SPHKAP: variants seen among roughly 807,000 people sequenced by gnomAD.
SPHKAP encodes SPHK1 interactor, AKAP domain containing.
A neutral mutation model predicts 137.5 loss-of-function variants in SPHKAP; 67 were observed. The observed-to-expected ratio is 0.49, with a 90% confidence interval of 0.40 to 0.60. SPHKAP has a LOEUF of 0.60. SPHKAP is among the 20% of genes least tolerant of loss of function. The pLI is 0.00. For missense variants in SPHKAP, 2,097 were observed against 2,069.3 expected, an observed-to-expected ratio of 1.01 and a Z score of -0.26; for synonymous variants, 813 against 785.3, an observed-to-expected ratio of 1.04 and a Z score of -0.59.
chr2:228,078,886 C>T (rs541991920), intron 3 of SPHKAP, among the ~76,000 whole-genome samples: 2 of 152,110 alleles, frequency 1.3e-5, no homozygotes, highest in Non-Finnish European at 2.9e-5. Context: ...CCCACAGCCC[C>T]AGACTCTAGG....
chr2:228,078,384 T>C (rs1445187807), intron 3 of SPHKAP, among the ~76,000 whole-genome samples: 1 of 151,160 alleles, frequency 6.6e-6, no homozygotes, highest in East Asian at 1.9e-4. Flanking sequence ...GGCAGACTTT[T>C]TTTTTTTTTT....
At position 228,168,719 on chromosome 2, in the gene SPHKAP, A is replaced by G. The variant is rs553743305; in HGVS notation, c.32+12848T>C. On this transcript the variant is annotated intron_variant, in intron 1 of 11. Coordinates refer to ENST00000392056, the MANE Select transcript of SPHKAP (RefSeq NM_001142644.2). ...ACTCTGAAATGGCCTGTAGATCTTCAAATGAAAGGAAAAGTCACACATATC... is the reference window on the plus strand; with the variant it reads ...ACTCTGAAATGGCCTGTAGATCTTCGAATGAAAGGAAAAGTCACACATATC... Among the ~76,000 whole-genome samples the G allele has an allele frequency of 1.1e-3, 169 of 152,234 alleles. 1 individual carries two copies. The highest frequency in any genetic ancestry group is 3.7e-3 in the African/African-American group (153 of 41,556).
chr2:228,028,801 A>G (rs1207037930), intron 3 of SPHKAP, among the ~76,000 whole-genome samples: 1 of 152,238 alleles, frequency 6.6e-6, no homozygotes, highest in Non-Finnish European at 1.5e-5. Flanking sequence ...TGCATTTCTC[A>G]TAACATGTCC....
At chr2:228,049,274 A>G (rs1202228165) in intron 3 of SPHKAP, among the ~76,000 whole-genome samples, 1 of 152,228 alleles carries the variant, frequency 6.6e-6, no homozygotes, top group East Asian at 1.9e-4. Flanking sequence ...CCTTTAAAAA[A>G]TCTGTGCTAT....
At chr2:228,056,339 A>G (rs1222008753) in intron 3 of SPHKAP, among the ~76,000 whole-genome samples, 2 of 152,176 alleles carry the variant, frequency 1.3e-5, no homozygotes, top group African/African-American at 4.8e-5. Flanking sequence ...GTCACAGAGG[A>G]ACATGTAGAG....
chr2:228,065,791 A>T (rs1294541013), intron 3 of SPHKAP, among the ~76,000 whole-genome samples: 2 of 152,172 alleles, frequency 1.3e-5, no homozygotes, highest in Non-Finnish European at 2.9e-5. Context: ...ATTTGAGGGA[A>T]GGCTGCTTTT....
At chr2:228,012,127 C>A (rs1334462574) in intron 7 of SPHKAP, among the ~76,000 whole-genome samples, 1 of 133,298 alleles carries the variant, frequency 7.5e-6, no homozygotes, top group South Asian at 2.3e-4. Flanking sequence ...ATGGTTGCAC[C>A]ACAGCACTCC....
At chr2:228,057,804 A>T (rs1452930108) in intron 3 of SPHKAP, among the ~76,000 whole-genome samples, 1 of 152,164 alleles carries the variant, frequency 6.6e-6, no homozygotes, top group African/African-American at 2.4e-5. Context: ...GAAATTTCCT[A>T]CAAGGAAATT....
At chr2:228,060,950 A>G (rs1343596877) in intron 3 of SPHKAP, among the ~76,000 whole-genome samples, 3 of 152,238 alleles carry the variant, frequency 2.0e-5, no homozygotes, top group African/African-American at 4.8e-5. Context: ...CGATGGCTTC[A>G]TCTCTAAGAG....
chr2:228,019,269 G>A lies in SPHKAP; in HGVS notation c.1585C>T (p.Pro529Ser). The A allele has an allele frequency of 6.2e-7, 1 of 1,614,014 alleles. No individual in the cohort carries two copies. Among genetic ancestry groups the A allele is most frequent in the South Asian group, 1.1e-5 (1 of 91,082 alleles). Residue 529 changes from proline (P) to serine (S), a missense_variant, in exon 7 of 12, where the codon CCC becomes TCC. Transcript: ENST00000392056. ...TGCAGTGCACCACTGCTCCCTGGGG[G>A]AAAGTTCGAGACCACTTGCTCCATT... ...LKMEQVVSNF[P>S]PGSSGALQTQ...
intron 7 of SPHKAP, among the ~76,000 whole-genome samples, chr2:228,001,503 A>ATATATATATATATT (rs1693891023): frequency 6.9e-6 from 1 of 144,720 alleles, no homozygotes; most frequent in South Asian, 2.1e-4. Flanking sequence ...ATAAGTATAT[A>ATATATATATATATT]TACGTATATA....
intron 3 of SPHKAP, among the ~76,000 whole-genome samples, chr2:228,100,665 AC>A (rs1421020208): frequency 6.6e-6 from 1 of 152,128 alleles, no homozygotes; most frequent in African/African-American, 2.4e-5. Context: ...TATATGTTCC[AC>A]CAGCCCTGCA....
chr2:228,086,592 C>A, intron 3 of SPHKAP, among the ~76,000 whole-genome samples: 1 of 152,124 alleles, frequency 6.6e-6, no homozygotes, highest in East Asian at 1.9e-4. Flanking sequence ...ATAAGAATGC[C>A]ATGACCACCC....
At chr2:228,113,603 A>ATC (rs139499722) in intron 2 of SPHKAP, among the ~76,000 whole-genome samples, 7,446 of 97,806 alleles carry the variant, frequency 0.076, 710 homozygotes, top group East Asian at 0.18. Context: ...GCATTTAGCC[A>ATC]TCTCTCTCTC....
intron 3 of SPHKAP, among the ~76,000 whole-genome samples, chr2:228,059,211 G>A (rs1217353198): frequency 6.6e-6 from 1 of 152,182 alleles, no homozygotes; most frequent in African/African-American, 2.4e-5. Flanking sequence ...GTCATTGCAT[G>A]CAGGTGTTTG....
At chr2:228,142,758 A>C (rs1185195750) in intron 1 of SPHKAP, among the ~76,000 whole-genome samples, 2 of 152,198 alleles carry the variant, frequency 1.3e-5, no homozygotes, top group Non-Finnish European at 2.9e-5. Context: ...TACTGGGCTT[A>C]ATATCTGAGT....
intron 7 of SPHKAP, among the ~76,000 whole-genome samples, chr2:228,005,383 T>C (rs1694089310): frequency 6.6e-6 from 1 of 152,230 alleles, no homozygotes; most frequent in Non-Finnish European, 1.5e-5. Flanking sequence ...CCCCTGCCTT[T>C]TTTTGTTTTC....
chr2:228,114,584 G>T (rs1247654816), intron 2 of SPHKAP, among the ~76,000 whole-genome samples: 1 of 152,182 alleles, frequency 6.6e-6, no homozygotes, highest in East Asian at 1.9e-4. Flanking sequence ...TTATTCTAAG[G>T]ATCAAATGAG....
intron 1 of SPHKAP, among the ~76,000 whole-genome samples, chr2:228,147,270 TGA>T (rs898662453): frequency 3.3e-5 from 5 of 152,226 alleles, no homozygotes; most frequent in African/African-American, 7.2e-5. Context: ...CTTTTGTCTG[TGA>T]GAGTCTATAG....
Sources: gnomAD v4.1 joint callset for allele counts (sites outside exome capture counted in the v4.1 genomes callset) on GRCh38, gnomAD v4.1.1 for gene constraint, MANE v1.5 for transcripts, NCBI Gene and HGNC (gene_info 2026-07-23, HGNC 2026-07-21) for gene names.